The following LRRD1 variants were observed in gnomAD, a reference collection of about 807,000 sequenced individuals.
The protein encoded by LRRD1 is leucine rich repeats and death domain containing 1, also known as leucine-rich repeat and death domain-containing protein 1.
A neutral mutation model predicts 69.5 loss-of-function variants in LRRD1; 49 were observed. The ratio of observed to expected loss-of-function variants is 0.70; its 90% CI spans 0.56 to 0.89. The LOEUF is 0.89. Among genes scored for constraint, LRRD1 ranks in the 40% least tolerant of loss-of-function variants. The probability of loss-of-function intolerance (pLI) is 0.00; values close to 1 mark genes in which losing one functional copy is unlikely to be tolerated. For missense variants in LRRD1, 853 were observed against 956.0 expected, an observed-to-expected ratio of 0.89 and a Z score of 1.42; for synonymous variants, 303 against 338.9, an observed-to-expected ratio of 0.89 and a Z score of 1.16.
intron 3 of LRRD1, among the ~76,000 whole-genome samples, chr7:92,153,591 A>G (rs887998970): frequency 6.6e-6 from 1 of 150,934 alleles, no homozygotes; most frequent in Non-Finnish European, 1.5e-5. Context: ...GCACTTTGGG[A>G]GGCCAAGGCG....
At chr7:92,143,867 G>A (rs1820242040), downstream of LRRD1, among the ~76,000 whole-genome samples, 2 of 152,382 alleles carry the variant, frequency 1.3e-5, no homozygotes, top group Middle Eastern at 3.4e-3. Flanking sequence ...TGTGAGGACT[G>A]CCAGCACGCT....
chr7:92,150,420 A>AT lies in LRRD1; in HGVS notation c.2278+113dup, dbSNP rs1333086513. The AT allele has an allele frequency of 1.3e-5, 11 of 873,228 alleles. No homozygotes were observed. The South Asian group carries it at 2.6e-4, about 20-fold the overall frequency. 54.1% of individuals were successfully genotyped at this position (873,228 alleles called of 1,614,324 possible). A position where few individuals can be genotyped will look rare whatever the true frequency, so the allele number is the denominator to read the frequency against. On this transcript the variant is annotated intron_variant, in intron 4 of 5. Transcript: ENST00000458448. ...TCCGAGGCTGCAGTGAGTCGTGATC[A>AT]TGCCACTGCAGTCCAGCCTGGGTGT...
chr7:92,144,857 A>G lies in LRRD1; in HGVS notation c.*31T>C, dbSNP rs1020785461. The G allele has an allele frequency of 7.4e-7, 1 of 1,356,106 alleles. No homozygotes were observed. Among genetic ancestry groups the G allele is most frequent in the Non-Finnish European group, 9.9e-7 (1 of 1,012,350 alleles). The allele number at this position is 1,356,106 out of a possible 1,614,324, so 84.0% of individuals were successfully genotyped here. On this transcript the variant is annotated 3_prime_UTR_variant, in exon 6 of 6. Coordinates refer to ENST00000458448, the MANE Select transcript of LRRD1 (RefSeq NM_001161528.2). Reference sequence around the variant, plus strand: ...ACAGTTTCAATTATAAGTGCATCAAAAGTTTTCAGTTTTTATTATTGATCC... The same window carrying G: ...ACAGTTTCAATTATAAGTGCATCAAGAGTTTTCAGTTTTTATTATTGATCC...
At chr7:92,162,784 A>G (rs1027648905) in intron 2 of LRRD1, among the ~76,000 whole-genome samples, 8 of 152,174 alleles carry the variant, frequency 5.3e-5, no homozygotes, top group Non-Finnish European at 1.2e-4. Context: ...ATCAAAGAGA[A>G]ATGCTTATTG....
intron 3 of LRRD1, among the ~76,000 whole-genome samples, chr7:92,158,479 C>T (rs538253474): frequency 1.4e-4 from 22 of 151,854 alleles, no homozygotes; most frequent in African/African-American, 4.1e-4. Flanking sequence ...ATATAATCAA[C>T]GCAGTATTTG....
chr7:92,154,956 A>C (rs560802874), intron 3 of LRRD1, among the ~76,000 whole-genome samples: 1 of 152,292 alleles, frequency 6.6e-6, no homozygotes, highest in South Asian at 2.1e-4. Flanking sequence ...TTAACTGAGC[A>C]CTTATCATGC....
At chr7:92,157,215 C>G (rs1404490815) in intron 3 of LRRD1, among the ~76,000 whole-genome samples, 1 of 151,830 alleles carries the variant, frequency 6.6e-6, no homozygotes, top group Non-Finnish European at 1.5e-5. Flanking sequence ...TTTATACTTA[C>G]AGTGAGAAGT....
In LRRD1 at chr7:92,146,129, GAC is replaced by G; in HGVS notation, c.2348_2349del (p.Cys783SerfsTer11). 1 of 1,542,310 alleles carries G rather than the reference GAC, an allele frequency of 6.5e-7. No homozygotes were observed. The highest frequency in any genetic ancestry group is 8.7e-7 in the Non-Finnish European group (1 of 1,143,710). Reference protein sequence around the residue: ...NITETNFEFLCQKLNLANSET... With the variant: ...NITETNFEFLXQKLNLANSET... ...TCTGAGTTTGCCAGGTTTAGTTTTT[GAC>G]ATAAAAATTCAAAATTGGTTTCAGT... On this transcript the variant is annotated frameshift_variant, in exon 5 of 6. Coordinates refer to ENST00000458448, the MANE Select transcript of LRRD1 (RefSeq NM_001161528.2). LOFTEE classifies it high-confidence loss of function.
At chr7:92,143,330 C>T (rs1279653336), downstream of LRRD1, among the ~76,000 whole-genome samples, 2 of 152,180 alleles carry the variant, frequency 1.3e-5, no homozygotes. Flanking sequence ...CCACCGGGGC[C>T]GCAGGTAGAG....
At position 92,164,334 on chromosome 7, in the gene LRRD1, T is replaced by G. The variant is rs1788855459; in HGVS notation, c.869A>C (p.Asn290Thr). Residue 290 changes from asparagine to threonine, a missense_variant, in exon 2 of 6, where the codon AAT (asparagine) becomes ACT (threonine). Transcript: ENST00000458448. Reference protein sequence around the residue: ...KTLRVLNLEYNQLTTFPKALC... With the variant: ...KTLRVLNLEYTQLTTFPKALC... ...AGCTTTAGGAAATGTTGTTAACTGA[T>G]TATATTCCAAATTGAGAACCCTCAA... The G allele has an allele frequency of 6.4e-7, 1 of 1,550,716 alleles. No individual in the cohort carries two copies.
Position 92,170,976 on chromosome 7 carries a change from A to G in LRRD1, c.-74-5700T>C, listed in dbSNP as rs78882826. 9.2e-5 allele frequency among the ~76,000 whole-genome samples: 14 copies of G among 152,370 alleles called. No individual in the cohort carries two copies. In the East Asian group the frequency reaches 2.3e-3, roughly 25 times the overall value. ...TTGTGTCAATGAAGAAATTAAGGAAATTAAAAAGTTTCTTGAAACAAATGA... is the reference window on the plus strand; with the variant it reads ...TTGTGTCAATGAAGAAATTAAGGAAGTTAAAAAGTTTCTTGAAACAAATGA... On this transcript the variant is annotated intron_variant, in intron 1 of 5. Coordinates refer to ENST00000458448, the MANE Select transcript of LRRD1 (RefSeq NM_001161528.2).
At chr7:92,172,728 T>A (rs1475985582) in intron 1 of LRRD1, among the ~76,000 whole-genome samples, 1 of 152,174 alleles carries the variant, frequency 6.6e-6, no homozygotes, top group Non-Finnish European at 1.5e-5. Flanking sequence ...TGTTCATTGA[T>A]TGGAAGAATC....
In LRRD1 at chr7:92,144,981, A is replaced by C. The variant is rs750310579; in HGVS notation, c.2490T>G (p.Asp830Glu). The C allele has an allele frequency of 1.3e-6, 2 of 1,546,162 alleles. No individual in the cohort carries two copies. Among genetic ancestry groups the C allele is most frequent in the Non-Finnish European group, 1.7e-6 (2 of 1,143,444 alleles). Residue 830 changes from aspartate to glutamate, a missense_variant, in exon 6 of 6, where the codon GAT becomes GAG. Asp to Glu is a conservative substitution (Grantham distance 45). Around this residue, in one of 3 missense-constraint regions of LRRD1, gnomAD observed 739 missense variants for 808.0 expected, o/e 0.91. Coordinates refer to ENST00000458448, the MANE Select transcript of LRRD1 (RefSeq NM_001161528.2). ...KLSLTAAALR[D>E]QLIRALTMIG... is the part of the protein sequence containing the mutation. Reference sequence around the variant, plus strand: ...TCATAGTTAGTGCTCGAATTAGTTGATCTCTTAAAGCAGCAGCAGTTAGTG... The same window carrying C: ...TCATAGTTAGTGCTCGAATTAGTTGCTCTCTTAAAGCAGCAGCAGTTAGTG...
chr7:92,172,588 G>C (rs1789080881), intron 1 of LRRD1, among the ~76,000 whole-genome samples: 1 of 151,648 alleles, frequency 6.6e-6, no homozygotes, highest in Admixed American at 6.6e-5. Context: ...ATCCCACTTA[G>C]AATAGCTGCA....
At chr7:92,167,876 CAAAAAAA>C (rs542619786) in intron 1 of LRRD1, among the ~76,000 whole-genome samples, 760 of 46,014 alleles carry the variant, frequency 0.017, 3 homozygotes, top group African/African-American at 0.06. Context: ...GACTCTGTCT[CAAAAAAA>C]AAAAAAAAAA....
chr7:92,164,187 G>A lies in LRRD1; in HGVS notation c.1016C>T (p.Thr339Ile). Reference sequence around the variant, plus strand: ...CTGAAAAATTTCTACAGCCAGAAAGGTAAGCTTATTGTGATCCATTAAAAG... The same window carrying A: ...CTGAAAAATTTCTACAGCCAGAAAGATAAGCTTATTGTGATCCATTAAAAG... The part of the protein sequence containing the change: ...ETLLMDHNKL[T>I]FLAVEIFQLL... Residue 339 changes from threonine to isoleucine, a missense_variant, in exon 2 of 6, where the codon ACC becomes ATC. Thr to Ile is a moderately conservative substitution (Grantham distance 89). Coordinates refer to ENST00000458448, the MANE Select transcript of LRRD1 (RefSeq NM_001161528.2). The A allele has an allele frequency of 6.5e-7, 1 of 1,548,492 alleles. No individual in the cohort carries two copies. The highest frequency in any genetic ancestry group is 1.2e-5 in the South Asian group (1 of 83,506).
At chr7:92,143,809 G>A (rs565434921), downstream of LRRD1, among the ~76,000 whole-genome samples, 30 of 152,380 alleles carry the variant, frequency 2.0e-4, no homozygotes, top group African/African-American at 3.8e-4. Context: ...CTCAAGTGCC[G>A]CCAAATTGGG....
rs1788741777 is a variant in LRRD1 at position 92,159,061 on chromosome 7, C to T, written c.2060G>A (p.Ser687Asn). Residue 687 changes from serine (S) to asparagine (N), a missense_variant, in exon 3 of 6, where the codon AGT (serine) becomes AAT (asparagine). Physicochemically the swap from Ser to Asn is conservative, Grantham distance 46. Transcript: ENST00000458448. The stretch of plus-strand genomic sequence containing the variant: ...AGATAGCAAAGATGGTGGAAGATAA[C>T]TTATTTGATTATTGTATGCATGTAA... ...VSLHAYNNQI[S>N]YLPPSLLSLN... The T allele has an allele frequency of 6.5e-7, 1 of 1,546,622 alleles. No homozygotes were observed. The highest frequency in any genetic ancestry group is 8.7e-7 in the Non-Finnish European group (1 of 1,145,598).
Position 92,164,901 on chromosome 7 carries a change from G to T in LRRD1, c.302C>A (p.Ser101Ter), listed in dbSNP as rs1276936118. 1.2e-5 allele frequency: 18 copies of T among 1,551,418 alleles called. No individual in the cohort carries two copies. Among genetic ancestry groups the T allele is most frequent in the African/African-American group, 4.1e-5 (3 of 73,032 alleles). Residue 101 changes from serine to a stop codon, truncating the protein, a stop_gained, in exon 2 of 6, where the codon TCA (serine) becomes TAA (stop). Coordinates refer to ENST00000458448, the MANE Select transcript of LRRD1 (RefSeq NM_001161528.2). LOFTEE classifies it high-confidence loss of function. ...STRTGTSQSL[S>*]SLTGRTAEYQ... ...TTCTGCAGTCCTCCCAGTTAGTGAT[G>T]ATAAACTCTGTGAAGTTCCTGTTCT... is the stretch of plus-strand genomic sequence containing the variant.
Sources: gnomAD v4.1 joint callset for allele counts (sites outside exome capture counted in the v4.1 genomes callset) on GRCh38, gnomAD v4.1.1 for gene constraint, gnomAD v4.1.1 regional missense constraint, MANE v1.5 for transcripts, NCBI Gene and HGNC (gene_info 2026-07-23, HGNC 2026-07-21) for gene names.